Variants in TRDN observed in about 807,000 individuals in gnomAD.
The protein encoded by TRDN is triadin in skeletal muscle.
A neutral mutation model predicts 149.7 loss-of-function variants in TRDN; 161 were observed. The observed-to-expected ratio is 1.08, with a 90% confidence interval of 0.95 to 1.23. The LOEUF (loss-of-function observed/expected upper bound fraction) is 1.23. Among genes scored for constraint, TRDN ranks in the 50% most tolerant of loss-of-function variants. The pLI is 0.00. For synonymous variants in TRDN, 294 were observed against 250.5 expected (o/e 1.17, Z -1.64); for missense variants, 896 against 823.5 (o/e 1.09, Z -1.08).
chr6:123,617,481 A>G (rs1022011303), intron 1 of TRDN, among the ~76,000 whole-genome samples: 9 of 151,452 alleles, frequency 5.9e-5, no homozygotes, highest in African/African-American at 1.2e-4. Flanking sequence ...ATATTAGTGG[A>G]AAAAAAAATA....
chr6:123,501,657 A>G (rs1463209859), intron 8 of TRDN, among the ~76,000 whole-genome samples: 1 of 152,152 alleles, frequency 6.6e-6, no homozygotes, highest in Non-Finnish European at 1.5e-5. Flanking sequence ...ATACATTTAT[A>G]TAATTGATGG....
At chr6:123,319,483 G>GTA (rs1306163843) in intron 23 of TRDN, among the ~76,000 whole-genome samples, 50 of 152,000 alleles carry the variant, frequency 3.3e-4, no homozygotes, top group African/African-American at 1.1e-3. Context: ...ACATATGTGT[G>GTA]TATATATATA....
chr6:123,265,191 T>C, intron 33 of TRDN, 127 bp downstream of exon 33: 3 of 672,628 alleles, frequency 4.5e-6, no homozygotes, highest in Non-Finnish European at 6.9e-6. Flanking sequence ...ACTTATATGG[T>C]AATAGTATAA....
chr6:123,331,835 AAAGGCAGATC>A (rs1216332582), intron 23 of TRDN, 34 bp downstream of exon 23: 1 of 1,343,232 alleles, frequency 7.4e-7, no homozygotes, highest in Admixed American at 2.5e-5. Flanking sequence ...TGAATATGCA[AAAGGCAGATC>A]AATGTGGCTT....
At chr6:123,633,179 T>C (rs1461756360) in intron 1 of TRDN, among the ~76,000 whole-genome samples, 2 of 152,058 alleles carry the variant, frequency 1.3e-5, no homozygotes, top group African/African-American at 4.8e-5. Flanking sequence ...AAGTTAATTA[T>C]ATATGGGATT....
intron 27 of TRDN, among the ~76,000 whole-genome samples, chr6:123,273,965 T>C (rs1208731991): frequency 6.6e-6 from 1 of 152,066 alleles, no homozygotes; most frequent in African/African-American, 2.4e-5. Context: ...AATAAAATGA[T>C]AGCATTTTAG....
chr6:123,531,459 A>G (rs1327912952), intron 4 of TRDN, among the ~76,000 whole-genome samples: 2 of 152,068 alleles, frequency 1.3e-5, no homozygotes, highest in South Asian at 4.1e-4. Context: ...CCAAAAGTCT[A>G]CTAAATTAAG....
At chr6:123,338,090 T>C (rs1779940808) in intron 21 of TRDN, among the ~76,000 whole-genome samples, 1 of 152,194 alleles carries the variant, frequency 6.6e-6, no homozygotes, top group African/African-American at 2.4e-5. Flanking sequence ...TTAAATAACT[T>C]TCCAAGATCT....
At chr6:123,593,758 T>C (rs1414740615) in intron 1 of TRDN, among the ~76,000 whole-genome samples, 1 of 152,184 alleles carries the variant, frequency 6.6e-6, no homozygotes, top group Admixed American at 6.5e-5. Flanking sequence ...ATTAAGATCA[T>C]ACTCTGAGTT....
intron 12 of TRDN, among the ~76,000 whole-genome samples, chr6:123,413,413 A>T (rs1773522327): frequency 6.6e-6 from 1 of 152,184 alleles, no homozygotes; most frequent in East Asian, 1.9e-4. Context: ...CTGAAATCAC[A>T]CCTTGGTGAA....
At chr6:123,466,699 C>T (rs553480971) in intron 9 of TRDN, among the ~76,000 whole-genome samples, 50 of 151,540 alleles carry the variant, frequency 3.3e-4, no homozygotes, top group Non-Finnish European at 5.2e-4. Flanking sequence ...TTTTAAGGTA[C>T]GGTGGTATTT....
intron 21 of TRDN, chr6:123,351,105 T>A (rs763448195): frequency 1.9e-5 from 19 of 984,878 alleles, no homozygotes; most frequent in Admixed American, 6.2e-5. Context: ...CCTATGAATA[T>A]CATGAGTAAT....
chr6:123,356,697 C>A (rs1483556011), intron 20 of TRDN, among the ~76,000 whole-genome samples: 1 of 149,704 alleles, frequency 6.7e-6, no homozygotes, highest in East Asian at 1.9e-4. Context: ...ACCAGTGAAA[C>A]CATCTGGCTA....
chr6:123,566,615 C>A (rs770888383), intron 2 of TRDN, among the ~76,000 whole-genome samples: 21 of 152,152 alleles, frequency 1.4e-4, no homozygotes, highest in Admixed American at 5.9e-4. Flanking sequence ...TTCTGGCCTT[C>A]CAAATCATTT....
At chr6:123,562,153 G>A (rs948920918) in intron 2 of TRDN, among the ~76,000 whole-genome samples, 1 of 151,134 alleles carries the variant, frequency 6.6e-6, no homozygotes, top group African/African-American at 2.4e-5. Context: ...CGTGACCCCT[G>A]CCCCTGCCCG....
At chr6:123,341,819 T>C (rs146593616) in intron 21 of TRDN, among the ~76,000 whole-genome samples, 210 of 152,098 alleles carry the variant, frequency 1.4e-3, no homozygotes, top group Non-Finnish European at 2.6e-3. Context: ...TTGTATATTC[T>C]AGACAAGCTG....
At chr6:123,331,557 C>T (rs1437495643) in intron 23 of TRDN, among the ~76,000 whole-genome samples, 1 of 151,900 alleles carries the variant, frequency 6.6e-6, no homozygotes, top group African/African-American at 2.4e-5. Context: ...CTTTGGTTTC[C>T]ATGGCTATTC....
At chr6:123,394,002 T>C (rs1772619552) in intron 12 of TRDN, among the ~76,000 whole-genome samples, 1 of 152,166 alleles carries the variant, frequency 6.6e-6, no homozygotes, top group Admixed American at 6.6e-5. Flanking sequence ...ATTATGTCTG[T>C]ATTATCAGCC....
chr6:123,557,030 C>T (rs1325446230), intron 2 of TRDN, among the ~76,000 whole-genome samples: 1 of 152,052 alleles, frequency 6.6e-6, no homozygotes, highest in Non-Finnish European at 1.5e-5. Context: ...AGCTCAAAAG[C>T]TCCCCCACTG....
Sources: gnomAD v4.1 joint callset for allele counts (sites outside exome capture counted in the v4.1 genomes callset) on GRCh38, gnomAD v4.1.1 for gene constraint, MANE v1.5 for transcripts, NCBI Gene and HGNC (gene_info 2026-07-23, HGNC 2026-07-21) for gene names.